The following BRSK2 variants were observed in gnomAD, a reference collection of about 807,000 sequenced individuals.
BRSK2 encodes the protein BR serine/threonine kinase 2.
In BRSK2, 19 loss-of-function variants were observed where a neutral mutation model predicts 83.3. The ratio of observed to expected loss-of-function variants is 0.23; its 90% CI spans 0.16 to 0.33. The LOEUF is 0.33. Among genes scored for constraint, BRSK2 ranks in the 10% least tolerant of loss-of-function variants. The pLI, the probability that BRSK2 is intolerant of heterozygous loss-of-function variation, is 1.00. For synonymous variants in BRSK2, 519 were observed against 435.4 expected, an observed-to-expected ratio of 1.19 and a Z score of -2.39; for missense variants, 798 against 1,042.3, an observed-to-expected ratio of 0.77 and a Z score of 3.23.
chr11:1,456,679 A>G lies in BRSK2; in HGVS notation c.1931A>G (p.His644Arg). The change falls in exon 18 of 20, where the codon CAC becomes CGC. Residue 644 changes from histidine (H) to arginine (R), a missense_variant. Coordinates refer to ENST00000528841, the MANE Select transcript of BRSK2 (RefSeq NM_001256627.2). ...ACACACGACCCGCCTGCGGCCCAGC[A>G]CTTGTCAGGTGAGGCGGGCTCAGCT... Reference protein sequence around the residue: ...LSTHDPPAAQHLSDTTNCMEM... With the variant: ...LSTHDPPAAQRLSDTTNCMEM... 1.2e-6 allele frequency: 2 copies of G among 1,603,400 alleles called. No homozygotes were observed. Among genetic ancestry groups the G allele is most frequent in the Non-Finnish European group, 8.5e-7 (1 of 1,176,200 alleles).
chr11:1,399,850 G>A (rs2134041661), intron 1 of BRSK2, among the ~76,000 whole-genome samples: 1 of 152,280 alleles, frequency 6.6e-6, no homozygotes. Flanking sequence ...CCCCAGCTCT[G>A]TGGTTCCCGA....
intron 3 of BRSK2, among the ~76,000 whole-genome samples, chr11:1,439,756 G>A (rs1850900002): frequency 6.6e-6 from 1 of 150,968 alleles, no homozygotes; most frequent in Admixed American, 6.6e-5. Context: ...CTGCCCTGAG[G>A]GCTTCACACC....
chr11:1,398,305 A>G (rs568218121), intron 1 of BRSK2, among the ~76,000 whole-genome samples: 1 of 152,178 alleles, frequency 6.6e-6, no homozygotes, highest in Admixed American at 6.5e-5. Flanking sequence ...CTGCTGCCTG[A>G]GCTGCCTGGT....
chr11:1,459,044 G>A (rs1847037126), intron 18 of BRSK2, 148 bp from the exon 19 acceptor site: 1 of 745,400 alleles, frequency 1.3e-6, no homozygotes, highest in East Asian at 2.6e-5. Context: ...TCTGGCTCTG[G>A]CCCCCCCAGT....
chr11:1,404,400 C>T (rs946107394), intron 1 of BRSK2, among the ~76,000 whole-genome samples: 3 of 152,222 alleles, frequency 2.0e-5, no homozygotes, highest in Non-Finnish European at 4.4e-5. Context: ...CCTCCGCCTG[C>T]CTCAGCCTCC....
At chr11:1,442,912 T>A (rs374829184) in intron 5 of BRSK2, among the ~76,000 whole-genome samples, 194 bp from the exon 6 acceptor site, 6 of 151,992 alleles carry the variant, frequency 3.9e-5, no homozygotes, top group East Asian at 3.9e-4. Flanking sequence ...GGCAGACAGC[T>A]TTGGGCGCAG....
chr11:1,444,333 G>C (rs529956493), intron 8 of BRSK2, among the ~76,000 whole-genome samples: 1 of 152,254 alleles, frequency 6.6e-6, no homozygotes, highest in African/African-American at 2.4e-5. Flanking sequence ...GTGTCCACTT[G>C]ACAGAAGCAG....
chr11:1,421,853 A>C (rs981803479), intron 1 of BRSK2, among the ~76,000 whole-genome samples: 3 of 151,538 alleles, frequency 2.0e-5, no homozygotes, highest in Non-Finnish European at 4.4e-5. Context: ...CTCTCGGGGC[A>C]GGTGGGAGAA....
At chr11:1,457,741 G>A (rs996067749) in intron 18 of BRSK2, among the ~76,000 whole-genome samples, 2 of 152,092 alleles carry the variant, frequency 1.3e-5, no homozygotes, top group African/African-American at 2.4e-5. Flanking sequence ...AGCCAAAGAG[G>A]GCCCCACTGC....
In BRSK2 at chr11:1,460,804, G is replaced by A. The variant is rs1847405621; in HGVS notation, c.*81G>A. On this transcript the variant is annotated 3_prime_UTR_variant, in exon 20 of 20. Transcript: ENST00000528841. The stretch of plus-strand genomic sequence containing the variant: ...CGCCCGCCCTGCCCCGAGTGGACCC[G>A]CGGCCGCGCCGCCCGTCCGTCCAGA... The A allele has an allele frequency of 2.1e-6, 3 of 1,446,758 alleles. No individual in the cohort carries two copies. Among genetic ancestry groups the A allele is most frequent in the Non-Finnish European group, 9.0e-7 (1 of 1,107,036 alleles). The allele number at this position is 1,446,758 out of a possible 1,614,324, so 89.6% of individuals were successfully genotyped here.
At chr11:1,399,859 G>T (rs1245219963) in intron 1 of BRSK2, among the ~76,000 whole-genome samples, 3 of 152,042 alleles carry the variant, frequency 2.0e-5, no homozygotes, top group African/African-American at 7.3e-5. Flanking sequence ...TGTGGTTCCC[G>T]AGGCTTTTCT....
At chr11:1,445,713 C>T in intron 11 of BRSK2, 44 bp from the exon 12 acceptor site, 1 of 1,611,014 alleles carries the variant, frequency 6.2e-7, no homozygotes, top group Non-Finnish European at 8.5e-7. Context: ...CACTGCCCCA[C>T]CGGGGTCCGG....
chr11:1,390,681 G>A lies in BRSK2; in HGVS notation c.91+306G>A, dbSNP rs1253493824. ...GGCCCCGCTGCAGGTGCGCGGCCCG[G>A]GCCGCATTGTGCGCCCCAGCGACCG... On this transcript the variant is annotated intron_variant, in intron 1 of 19. Coordinates refer to ENST00000528841, the MANE Select transcript of BRSK2 (RefSeq NM_001256627.2). This position sits in a 1 kb window ranked among gnomAD's most constrained non-coding sequence, Gnocchi z 6.8. Among the ~76,000 whole-genome samples, 5 of 149,708 alleles carry A rather than the reference G, an allele frequency of 3.3e-5. No individual in the cohort carries two copies. Among genetic ancestry groups the A allele is most frequent in the African/African-American group, 1.2e-4 (5 of 41,136 alleles).
chr11:1,457,099 TCGG>T (rs1486833695), intron 18 of BRSK2: 1 of 1,473,936 alleles, frequency 6.8e-7, no homozygotes, highest in African/African-American at 1.4e-5. Flanking sequence ...GGGCAGGTCC[TCGG>T]CGGAGCCAGG....
chr11:1,421,993 T>C (rs1440768885), intron 1 of BRSK2, among the ~76,000 whole-genome samples: 2 of 151,824 alleles, frequency 1.3e-5, no homozygotes, highest in East Asian at 3.9e-4. Flanking sequence ...GCTGGGGGTG[T>C]CACTGGGCCT....
intron 2 of BRSK2, among the ~76,000 whole-genome samples, chr11:1,437,313 C>CCAT (rs1850451449): frequency 6.6e-6 from 1 of 152,120 alleles, no homozygotes; most frequent in African/African-American, 2.4e-5. Flanking sequence ...GGCTGGGACC[C>CCAT]CATCACAAGA....
At chr11:1,416,551 G>A (rs910242935) in intron 1 of BRSK2, among the ~76,000 whole-genome samples, 1 of 152,152 alleles carries the variant, frequency 6.6e-6, no homozygotes, top group African/African-American at 2.4e-5. Flanking sequence ...ACTACCGGCG[G>A]TTGTATTTAG....
chr11:1,408,828 T>TGGG (rs1564801538), intron 1 of BRSK2, among the ~76,000 whole-genome samples: 1 of 150,618 alleles, frequency 6.6e-6, no homozygotes, highest in African/African-American at 2.5e-5. Context: ...TGTGTGTGTG[T>TGGG]GTGTGTGGCT....
In BRSK2 at chr11:1,411,517, G is replaced by A. The variant is rs565371670; in HGVS notation, c.91+21142G>A. The A allele has an allele frequency of 1.6e-4, 241 of 1,513,592 alleles. 2 individuals carry two copies. In the South Asian group the frequency reaches 2.8e-3, roughly 18 times the overall value. 93.8% of individuals were successfully genotyped at this position (1,513,592 alleles called of 1,614,324 possible). ...AGGTCTGGCCCAGCGGTGGGCAGGGGAGGGGCCGCACATCACAGAGTGCCA... is the reference window on the plus strand; with the variant it reads ...AGGTCTGGCCCAGCGGTGGGCAGGGAAGGGGCCGCACATCACAGAGTGCCA... On this transcript the variant is annotated intron_variant, in intron 1 of 19. Transcript: ENST00000528841.
Sources: allele counts gnomAD v4.1 joint callset (sites outside exome capture counted in the v4.1 genomes callset), GRCh38; gene constraint gnomAD v4.1.1; non-coding constraint Gnocchi (gnomAD v3.1); transcripts MANE v1.5; gene names NCBI Gene and HGNC (gene_info 2026-07-23, HGNC 2026-07-21).